Variants in CDKL4 observed in about 807,000 individuals in gnomAD.
CDKL4 encodes cyclin-dependent kinase-like 4.
CDKL4 carries 44 observed loss-of-function variants against 42.0 expected under a neutral mutation model. The observed-to-expected ratio is 1.05, with a 90% confidence interval of 0.82 to 1.35. The LOEUF (loss-of-function observed/expected upper bound fraction) is 1.35, where lower values mean the gene tolerates loss of function less well. CDKL4 is among the 40% of genes most tolerant of loss of function. The pLI is 0.00. For missense variants in CDKL4, 393 were observed against 369.9 expected (o/e 1.06, Z -0.51); for synonymous variants, 120 against 121.6 (o/e 0.99, Z 0.09).
At chr2:39,182,082 A>C (rs61257289) in intron 8 of CDKL4, among the ~76,000 whole-genome samples, 17,298 of 152,168 alleles carry the variant, frequency 0.11, 2,536 homozygotes, top group African/African-American at 0.34. Context: ...CCTGGGCTCA[A>C]GCAATCCTCC....
chr2:39,200,587 T>G (rs918829628), intron 5 of CDKL4, among the ~76,000 whole-genome samples: 21 of 152,114 alleles, frequency 1.4e-4, no homozygotes, highest in African/African-American at 4.6e-4. Context: ...GACTTCAAAC[T>G]ATACTATAAG....
At chr2:39,173,053 A>G (rs1370108868), downstream of CDKL4, among the ~76,000 whole-genome samples, 2 of 152,220 alleles carry the variant, frequency 1.3e-5, no homozygotes, top group Admixed American at 6.6e-5. Flanking sequence ...AAGGAAAGAC[A>G]GTCATCCCAC....
chr2:39,191,405 A>G (rs950669034), intron 5 of CDKL4, among the ~76,000 whole-genome samples: 1 of 152,112 alleles, frequency 6.6e-6, no homozygotes, highest in African/African-American at 2.4e-5. Context: ...CACATATACA[A>G]AAAAAGAAGC....
At chr2:39,191,294 G>A (rs187113584) in intron 5 of CDKL4, among the ~76,000 whole-genome samples, 21 of 152,314 alleles carry the variant, frequency 1.4e-4, no homozygotes, top group Admixed American at 1.4e-3. Flanking sequence ...AGCTACTTGA[G>A]AAGCTGAGGC....
chr2:39,182,750 A>C (rs1462250833), intron 8 of CDKL4, among the ~76,000 whole-genome samples: 2 of 152,378 alleles, frequency 1.3e-5, no homozygotes, highest in East Asian at 3.9e-4. Context: ...TAGTGATAGG[A>C]TCATCATGAC....
chr2:39,216,137 T>A (rs1677901332), intron 3 of CDKL4, among the ~76,000 whole-genome samples: 1 of 152,198 alleles, frequency 6.6e-6, no homozygotes, highest in Admixed American at 6.5e-5. Context: ...CACCTTCAAT[T>A]TTCCTCATGT....
At chr2:39,234,451 G>A (rs1391533333) in intron 1 of CDKL4, among the ~76,000 whole-genome samples, 1 of 152,078 alleles carries the variant, frequency 6.6e-6, no homozygotes. Flanking sequence ...TAAAAGTTTA[G>A]ACAGAAAGTT....
At chr2:39,176,171 G>A in intron 9 of CDKL4, 75 bp from the exon 10 acceptor site, 1 of 399,628 alleles carries the variant, frequency 2.5e-6, no homozygotes, top group Non-Finnish European at 5.1e-6. Flanking sequence ...ATTGAAAGAT[G>A]ATAAGACAAG....
chr2:39,211,970 C>T (rs1405308419), intron 4 of CDKL4, among the ~76,000 whole-genome samples: 1 of 152,102 alleles, frequency 6.6e-6, no homozygotes, highest in Non-Finnish European at 1.5e-5. Flanking sequence ...CTCCAATTTA[C>T]AGGAAATACA....
At chr2:39,224,510 T>C (rs1678572121) in intron 3 of CDKL4, among the ~76,000 whole-genome samples, 1 of 150,544 alleles carries the variant, frequency 6.6e-6, no homozygotes, top group Admixed American at 6.6e-5. Flanking sequence ...TTTTTTTTTT[T>C]TTTTTTTTCT....
At chr2:39,179,005 A>C in intron 9 of CDKL4, 182 bp downstream of exon 9, 1 of 1,449,876 alleles carries the variant, frequency 6.9e-7, no homozygotes, top group Non-Finnish European at 9.0e-7. Flanking sequence ...AATAATCTTG[A>C]TATTTTCATA....
At chr2:39,213,283 G>T in intron 4 of CDKL4, 117 bp downstream of exon 4, 1 of 644,078 alleles carries the variant, frequency 1.6e-6, no homozygotes, top group Admixed American at 2.8e-5. Flanking sequence ...CTTTTGTTTT[G>T]CTTCTTTGGC....
At chr2:39,221,465 C>T (rs909601685) in intron 3 of CDKL4, among the ~76,000 whole-genome samples, 1 of 152,040 alleles carries the variant, frequency 6.6e-6, no homozygotes, top group African/African-American at 2.4e-5. Context: ...TACTCTCTGG[C>T]CTGTTATTTA....
intron 5 of CDKL4, among the ~76,000 whole-genome samples, chr2:39,200,868 C>T (rs1215454267): frequency 6.6e-6 from 1 of 152,090 alleles, no homozygotes; most frequent in Admixed American, 6.6e-5. Flanking sequence ...CAATCTAAGA[C>T]CTGAAACCAT....
Position 39,225,359 on chromosome 2 carries a change from C to T in CDKL4, c.290+480G>A, listed in dbSNP as rs180790444. On this transcript the variant is annotated intron_variant, in intron 3 of 9. Transcript: ENST00000451199. ...GGTGGAGGTTGCAGTGAGCTGAGAT[C>T]GCGCCACTGCACTCCAGTCTGGGCA... is the stretch of plus-strand genomic sequence containing the variant. 3.0e-4 allele frequency among the ~76,000 whole-genome samples: 45 copies of T among 151,350 alleles called. No individual in the cohort carries two copies. The East Asian group carries it at 7.8e-3, about 26-fold the overall frequency.
chr2:39,199,879 T>C (rs913704537), intron 5 of CDKL4, among the ~76,000 whole-genome samples: 4 of 152,138 alleles, frequency 2.6e-5, no homozygotes, highest in Non-Finnish European at 5.9e-5. Context: ...ACAGTCAACA[T>C]TATACTGAAT....
chr2:39,201,715 C>T (rs1676862789), intron 5 of CDKL4, among the ~76,000 whole-genome samples: 1 of 152,080 alleles, frequency 6.6e-6, no homozygotes, highest in Admixed American at 6.6e-5. Context: ...TTATTCTAAC[C>T]ATTATTCCTG....
At chr2:39,190,203 A>G in intron 6 of CDKL4, 102 bp downstream of exon 6, 1 of 841,276 alleles carries the variant, frequency 1.2e-6, no homozygotes, top group Non-Finnish European at 1.7e-6. Flanking sequence ...AAGAAGCAAT[A>G]AAACTCTTGT....
chr2:39,193,640 G>A (rs926259136), intron 5 of CDKL4, among the ~76,000 whole-genome samples: 1 of 152,112 alleles, frequency 6.6e-6, no homozygotes, highest in African/African-American at 2.4e-5. Context: ...CTCCCAAAGT[G>A]CTGGGATTAT....
Sources: gnomAD v4.1 joint callset for allele counts (sites outside exome capture counted in the v4.1 genomes callset) on GRCh38, gnomAD v4.1.1 for gene constraint, MANE v1.5 for transcripts, NCBI Gene and HGNC (gene_info 2026-07-23, HGNC 2026-07-21) for gene names.